The following HFM1 variants were observed in gnomAD, a reference collection of about 807,000 sequenced individuals.
HFM1 encodes helicase for meiosis 1, also known as probable ATP-dependent DNA helicase HFM1.
In HFM1, 169 loss-of-function variants were observed where a neutral mutation model predicts 192.1. The observed-to-expected ratio is 0.88, with a 90% CI of 0.78 to 1.00. HFM1 has a LOEUF of 1.00. Ranked by LOEUF, HFM1 falls within the 50% of genes least tolerant of loss-of-function variation. The pLI, the probability that HFM1 is intolerant of heterozygous loss-of-function variation, is 0.00. For synonymous variants in HFM1, 525 were observed against 537.8 expected, an observed-to-expected ratio of 0.98 and a Z score of 0.33; for missense variants, 1,661 against 1,668.0, an observed-to-expected ratio of 1.00 and a Z score of 0.07.
chr1:91,317,336 C>T (rs1651401695), intron 25 of HFM1, among the ~76,000 whole-genome samples: 1 of 152,106 alleles, frequency 6.6e-6, no homozygotes, highest in Non-Finnish European at 1.5e-5. Context: ...ATCGCTTGAA[C>T]CCGAGAGGCG....
intron 4 of HFM1, among the ~76,000 whole-genome samples, chr1:91,388,562 G>A (rs1402297917): frequency 1.3e-5 from 2 of 152,170 alleles, no homozygotes; most frequent in African/African-American, 2.4e-5. Context: ...CAAAAAGAAT[G>A]AGAATGAACT....
At chr1:91,289,025 G>C (rs571675583) in intron 30 of HFM1, among the ~76,000 whole-genome samples, 1 of 151,082 alleles carries the variant, frequency 6.6e-6, no homozygotes, top group Non-Finnish European at 1.5e-5. Flanking sequence ...CTCCCGGATG[G>C]GGCAGCTGGC....
chr1:91,379,275 A>T (rs1470270683), intron 8 of HFM1, 61 bp from the exon 9 acceptor site: 1 of 1,351,194 alleles, frequency 7.4e-7, no homozygotes, highest in Non-Finnish European at 1.0e-6. Context: ...CTTTTCACAA[A>T]CTTTGGTTAA....
At chr1:91,313,929 C>G in intron 29 of HFM1, 28 bp downstream of exon 29, 1 of 1,181,982 alleles carries the variant, frequency 8.5e-7, no homozygotes, top group South Asian at 1.4e-5. Context: ...TATTTATATT[C>G]ATGTCTTCAT....
At chr1:91,389,792 T>G (rs1237131213) in intron 4 of HFM1, among the ~76,000 whole-genome samples, 1 of 152,176 alleles carries the variant, frequency 6.6e-6, no homozygotes, top group Non-Finnish European at 1.5e-5. Context: ...CCCAGTAGGA[T>G]GGCTATAATA....
chr1:91,347,848 C>G (rs1316396733), intron 18 of HFM1, among the ~76,000 whole-genome samples: 2 of 152,122 alleles, frequency 1.3e-5, no homozygotes, highest in Admixed American at 1.3e-4. Context: ...TAATTTCACT[C>G]CTAGGCACAT....
At chr1:91,287,769 A>C (rs1349085034) in intron 30 of HFM1, among the ~76,000 whole-genome samples, 1 of 151,550 alleles carries the variant, frequency 6.6e-6, no homozygotes, top group East Asian at 2.0e-4. Flanking sequence ...CTTTGAAAAA[A>C]ATTTAGAAGA....
At chr1:91,340,752 A>G (rs550626835) in intron 20 of HFM1, among the ~76,000 whole-genome samples, 3 of 152,322 alleles carry the variant, frequency 2.0e-5, no homozygotes, top group East Asian at 3.9e-4. Flanking sequence ...ATGGAGAAAA[A>G]TCTACCAAGC....
chr1:91,303,001 T>C (rs1330872713), intron 30 of HFM1, among the ~76,000 whole-genome samples: 2 of 152,208 alleles, frequency 1.3e-5, no homozygotes, highest in African/African-American at 4.8e-5. Context: ...AATGGACTTT[T>C]AAATTTCTTA....
rs759331268 is a variant in HFM1 at position 91,276,980 on chromosome 1, A to ACAGCAGT, written c.3467_3472+1dup. 6.4e-7 allele frequency: 1 copy of ACAGCAGT among 1,561,166 alleles called. No homozygotes were observed. The highest frequency in any genetic ancestry group is 8.7e-7 in the Non-Finnish European group (1 of 1,149,420). ...TAAATAAACTTGTTTTAAGGAACTC[A>ACAGCAGT]CAGCAGTCATGTCCACATGTATGTT... On this transcript the variant is annotated splice_donor_variant, in intron 31 of 38. Transcript: ENST00000370425. LOFTEE classifies it high-confidence loss of function.
intron 20 of HFM1, chr1:91,328,651 C>T (rs1379330589): frequency 1.4e-5 from 23 of 1,591,718 alleles, no homozygotes; most frequent in Non-Finnish European, 1.8e-5. Context: ...CACGCCACCA[C>T]AGCACAAGTC....
chr1:91,314,250 A>T (rs1373302341), intron 28 of HFM1, among the ~76,000 whole-genome samples, 190 bp from the exon 29 acceptor site: 3 of 152,176 alleles, frequency 2.0e-5, no homozygotes, highest in Non-Finnish European at 2.9e-5. Context: ...CATGATTTTT[A>T]AAAAATTAAT....
intron 20 of HFM1, among the ~76,000 whole-genome samples, chr1:91,335,732 G>T (rs972104512): frequency 6.6e-6 from 1 of 151,974 alleles, no homozygotes; most frequent in Admixed American, 6.5e-5. Context: ...GAGCATGGAG[G>T]ACATGAGAAT....
chr1:91,320,783 T>C (rs1253695357), intron 23 of HFM1, among the ~76,000 whole-genome samples: 1 of 152,122 alleles, frequency 6.6e-6, no homozygotes, highest in East Asian at 1.9e-4. Context: ...CCCCTGAGCT[T>C]GTCCTCAGTA....
chr1:91,394,161 A>G lies in HFM1; in HGVS notation c.426T>C (p.Val142=). 1 of 1,609,758 alleles carries G rather than the reference A, an allele frequency of 6.2e-7. No homozygotes were observed. The highest frequency in any genetic ancestry group is 8.5e-7 in the Non-Finnish European group (1 of 1,176,446). The change falls in exon 4 of 39, where the codon GTT becomes GTC. Residue 142 remains valine, a synonymous_variant. Coordinates refer to ENST00000370425, the MANE Select transcript of HFM1 (RefSeq NM_001017975.6). ...IGTEIAPEKS[V]PDDTKLVNFA... ...AATTAACTAATTTTGTATCATCAGG[A>G]ACACTCTTCTCAGGTGCTATCTCAG...
intron 30 of HFM1, among the ~76,000 whole-genome samples, chr1:91,287,066 C>G (rs9662393): frequency 6.6e-6 from 1 of 151,998 alleles, no homozygotes; most frequent in African/African-American, 2.4e-5. Flanking sequence ...AACTGCAAGG[C>G]GGCAGCGAGG....
intron 13 of HFM1, among the ~76,000 whole-genome samples, chr1:91,366,192 T>C (rs1415048617): frequency 6.6e-6 from 1 of 152,200 alleles, no homozygotes; most frequent in African/African-American, 2.4e-5. Context: ...GGATAAATTG[T>C]AAATTAGTTT....
At chr1:91,270,926 T>A (rs1037363604) in intron 34 of HFM1, among the ~76,000 whole-genome samples, 5 of 152,154 alleles carry the variant, frequency 3.3e-5, no homozygotes, top group African/African-American at 1.2e-4. Flanking sequence ...AATTTTTGTT[T>A]TGATGAGAAA....
intron 20 of HFM1, among the ~76,000 whole-genome samples, chr1:91,339,424 A>G (rs1271949265): frequency 6.6e-6 from 1 of 152,064 alleles, no homozygotes; most frequent in Non-Finnish European, 1.5e-5. Context: ...CAGGTGAAGG[A>G]CAAAATCGCC....
Sources: allele counts gnomAD v4.1 joint callset (sites outside exome capture counted in the v4.1 genomes callset), GRCh38; gene constraint gnomAD v4.1.1; transcripts MANE v1.5; gene names NCBI Gene and HGNC (gene_info 2026-07-23, HGNC 2026-07-21).